ST3GAL6: variants seen among roughly 807,000 people sequenced by gnomAD.
The protein encoded by ST3GAL6 is ST3 beta-galactoside alpha-2,3-sialyltransferase 6.
ST3GAL6 carries 31 observed loss-of-function variants against 40.5 expected under a neutral mutation model. The observed-to-expected ratio is 0.77, with a 90% CI of 0.58 to 1.03. The LOEUF is 1.03. ST3GAL6 is among the 50% of genes least tolerant of loss of function. ST3GAL6 has a pLI of 0.00. For synonymous variants in ST3GAL6, 129 were observed against 136.9 expected, an observed-to-expected ratio of 0.94 and a Z score of 0.40; for missense variants, 357 against 393.2, an observed-to-expected ratio of 0.91 and a Z score of 0.78.
Position 98,793,857 on chromosome 3 carries a change from T to A in ST3GAL6, c.*96T>A. The A allele has an allele frequency of 1.5e-6, 1 of 653,786 alleles. No individual in the cohort carries two copies. Among genetic ancestry groups the A allele is most frequent in the East Asian group, 3.0e-5 (1 of 33,422 alleles). 40.5% of individuals were successfully genotyped at this position (653,786 alleles called of 1,614,324 possible). A position where few individuals can be genotyped will look rare whatever the true frequency, so the allele number is the denominator to read the frequency against. ...ATGTTGGATGCACTCGTCAAATAAT[T>A]ATGTATACTGTCTGTTGCTGCCTGG... is the stretch of plus-strand genomic sequence containing the variant. On this transcript the variant is annotated 3_prime_UTR_variant, in exon 10 of 10. Transcript: ENST00000483910.
At chr3:98,738,104 G>A (rs922781322) in intron 1 of ST3GAL6, among the ~76,000 whole-genome samples, 44 of 44,718 alleles carry the variant, frequency 9.8e-4, no homozygotes, top group African/African-American at 2.6e-3. Flanking sequence ...CCCCACCCCC[G>A]CCTTTCCTCC....
intron 5 of ST3GAL6, among the ~76,000 whole-genome samples, chr3:98,777,651 A>G (rs1162550425): frequency 6.6e-6 from 1 of 152,200 alleles, no homozygotes; most frequent in African/African-American, 2.4e-5. Context: ...CCTGGTCCCC[A>G]TCTGTTTTTA....
In ST3GAL6 at chr3:98,770,913, A is replaced by G; in HGVS notation, c.124A>G (p.Ile42Val). Residue 42 changes from isoleucine to valine, a missense_variant, in exon 3 of 10, where the codon ATC becomes GTC. Physicochemically the swap from Ile to Val is conservative, Grantham distance 29. Transcript: ENST00000483910. ...APVEMKRRNK[I>V]QPCLSKPAFA... Reference sequence around the variant, plus strand: ...TGTGGAAATGAAACGGAGAAATAAGATCCAGCCTTGTTTATCAAAGCCAGC... The same window carrying G: ...TGTGGAAATGAAACGGAGAAATAAGGTCCAGCCTTGTTTATCAAAGCCAGC... The G allele has an allele frequency of 6.2e-7, 1 of 1,614,136 alleles. No homozygotes were observed. Among genetic ancestry groups the G allele is most frequent in the South Asian group, 1.1e-5 (1 of 91,086 alleles).
chr3:98,762,085 TGAAAGCA>T (rs1937844123), upstream of ST3GAL6, among the ~76,000 whole-genome samples: 1 of 46,948 alleles, frequency 2.1e-5, no homozygotes. Flanking sequence ...CTAAGGACAG[TGAAAGCA>T]CTGGTGAAAG....
At chr3:98,748,590 T>C (rs1293211713) in intron 1 of ST3GAL6, among the ~76,000 whole-genome samples, 1 of 152,080 alleles carries the variant, frequency 6.6e-6, no homozygotes, top group Admixed American at 6.6e-5. Context: ...TCAGCCTCCC[T>C]AGTAGCTGGA....
upstream of ST3GAL6, among the ~76,000 whole-genome samples, chr3:98,761,661 A>G (rs2107095283): frequency 6.6e-6 from 1 of 152,208 alleles, no homozygotes; most frequent in Admixed American, 6.5e-5. Flanking sequence ...ACAACATCTA[A>G]TGCTTCTTGG....
chr3:98,787,132 T>C (rs1260729873), intron 6 of ST3GAL6, among the ~76,000 whole-genome samples: 1 of 152,186 alleles, frequency 6.6e-6, no homozygotes, highest in Admixed American at 6.5e-5. Flanking sequence ...TTCTGTTTAC[T>C]ATCCATTTTG....
At chr3:98,733,831 C>G (rs543552002) in intron 1 of ST3GAL6, among the ~76,000 whole-genome samples, 1 of 152,090 alleles carries the variant, frequency 6.6e-6, no homozygotes, top group Admixed American at 6.5e-5. Context: ...TGGGGAGGAG[C>G]AGGAGGGGGA....
chr3:98,739,384 CAAACA>C (rs773561314), intron 1 of ST3GAL6, among the ~76,000 whole-genome samples: 19 of 146,658 alleles, frequency 1.3e-4, no homozygotes, highest in African/African-American at 3.8e-4. Context: ...AGAAAACAAA[CAAACA>C]AAAAAAAAAC....
intron 1 of ST3GAL6, chr3:98,733,662 GC>G (rs1179630986): frequency 3.2e-6 from 3 of 931,754 alleles, no homozygotes; most frequent in Non-Finnish European, 3.8e-6. Flanking sequence ...TCATTTTGAG[GC>G]CGCCGGCTCC....
At chr3:98,756,677 T>C (rs1040410744) in intron 1 of ST3GAL6, 13 of 734,430 alleles carry the variant, frequency 1.8e-5, no homozygotes, top group Non-Finnish European at 2.3e-5. Context: ...CTGCTATTTT[T>C]TTCTCTTACT....
rs35917234 is a variant in ST3GAL6 at position 98,792,512 on chromosome 3, A to ATT, written c.909+534_909+535dup. 2.7e-3 allele frequency among the ~76,000 whole-genome samples: 377 copies of ATT among 138,780 alleles called. 2 individuals carry two copies. The highest frequency in any genetic ancestry group is 7.7e-3 in the African/African-American group (284 of 36,914). 91.0% of individuals were successfully genotyped at this position (138,780 alleles called of 152,430 possible). A position where few individuals can be genotyped will look rare whatever the true frequency, so the allele number is the denominator to read the frequency against. ...ATTTTTTTTAACAATTTTAGTTTAA[A>ATT]TTTTTTTTTTTTTTTTGAGAGTCTC... On this transcript the variant is annotated intron_variant, in intron 9 of 9. Transcript: ENST00000483910.
chr3:98,784,749 G>GCTCTTCCTA (rs1940521670), intron 5 of ST3GAL6, among the ~76,000 whole-genome samples, 196 bp from the exon 6 acceptor site: 1 of 152,196 alleles, frequency 6.6e-6, no homozygotes, highest in South Asian at 2.1e-4. Flanking sequence ...ACAATGATAT[G>GCTCTTCCTA]CTCTTCCTAT....
At position 98,772,888 on chromosome 3, in the gene ST3GAL6, T is replaced by G; in HGVS notation, c.243T>G (p.Phe81Leu). The change falls in exon 4 of 10, where the codon TTT (phenylalanine) becomes TTG (leucine). Residue 81 changes from phenylalanine to leucine, a missense_variant. Coordinates refer to ENST00000483910, the MANE Select transcript of ST3GAL6 (RefSeq NM_001323368.2). The stretch of plus-strand genomic sequence containing the variant: ...CTTCCTTGTATGGTAGCGATAAGTT[T>G]GATTTGCCCTATGGGATGAGAACAT... Reference protein sequence around the residue: ...KIASLYGSDKFDLPYGMRTSA... With the variant: ...KIASLYGSDKLDLPYGMRTSA... 6.2e-7 allele frequency: 1 copy of G among 1,612,714 alleles called. No homozygotes were observed. The highest frequency in any genetic ancestry group is 8.5e-7 in the Non-Finnish European group (1 of 1,178,928).
chr3:98,765,430 C>A (rs1211776844), intron 1 of ST3GAL6, among the ~76,000 whole-genome samples: 2 of 152,118 alleles, frequency 1.3e-5, no homozygotes, highest in African/African-American at 4.8e-5. Flanking sequence ...ACCTGCACAC[C>A]CATCTAACAA....
At chr3:98,791,520 G>A (rs278389) in intron 8 of ST3GAL6, among the ~76,000 whole-genome samples, 147,981 of 152,288 alleles carry the variant, frequency 0.97, 72,057 homozygotes, top group East Asian at 1. Context: ...ATGTTTTTGT[G>A]TTTTTTAAAA....
chr3:98,760,873 T>C (rs1349065637), upstream of ST3GAL6, among the ~76,000 whole-genome samples: 2 of 152,220 alleles, frequency 1.3e-5, no homozygotes, highest in African/African-American at 4.8e-5. Flanking sequence ...TACAATGGGA[T>C]GCTATTTAGC....
chr3:98,734,374 T>A (rs1935338024), intron 1 of ST3GAL6, among the ~76,000 whole-genome samples: 1 of 152,184 alleles, frequency 6.6e-6, no homozygotes, highest in Non-Finnish European at 1.5e-5. Flanking sequence ...TTATTGTCTC[T>A]GAGTAAGGCC....
At chr3:98,737,649 A>G (rs1935672291) in intron 1 of ST3GAL6, among the ~76,000 whole-genome samples, 1 of 152,152 alleles carries the variant, frequency 6.6e-6, no homozygotes, top group South Asian at 2.1e-4. Context: ...TCTTTGGCCC[A>G]TTGTTAACTC....
Sources: allele counts gnomAD v4.1 joint callset (sites outside exome capture counted in the v4.1 genomes callset), GRCh38; gene constraint gnomAD v4.1.1; transcripts MANE v1.5; gene names NCBI Gene and HGNC (gene_info 2026-07-23, HGNC 2026-07-21).